Variants in SYCP2 observed in about 807,000 individuals in gnomAD.
SYCP2 encodes the protein synaptonemal complex lateral element protein.
A neutral mutation model predicts 211.3 loss-of-function variants in SYCP2; 55 were observed. That is an observed-to-expected ratio of 0.26 (90% confidence interval 0.21 to 0.33). The LOEUF is 0.33. SYCP2 is among the 10% of genes least tolerant of loss of function. The probability of loss-of-function intolerance (pLI) is 1.00; values close to 1 mark genes in which losing one functional copy is unlikely to be tolerated. For synonymous variants in SYCP2, 570 were observed against 555.2 expected (o/e 1.03, Z -0.37); for missense variants, 1,731 against 1,752.0 (o/e 0.99, Z 0.21).
In SYCP2 at chr20:59,895,468, T is replaced by A; in HGVS notation, c.1634A>T (p.Glu545Val). Residue 545 changes from glutamate (E) to valine (V), a missense_variant, in exon 20 of 45, where the codon GAA becomes GTA. Physicochemically the swap from Glu to Val is moderately radical, Grantham distance 121 (BLOSUM62 -2). Around this residue, in one of 3 missense-constraint regions of SYCP2, gnomAD observed 1,387 missense variants for 1,351.3 expected, o/e 1.03. Transcript: ENST00000357552. The stretch of plus-strand genomic sequence containing the variant: ...TATATTATCTCTTCTATGTCTTCCT[T>A]CTGATGATCTAGATTTCAGTGATGC... The part of the protein sequence containing the change: ...NAASLKSRSS[E>V]GRHRRDNIDK... 1 of 1,611,906 alleles carries A rather than the reference T, an allele frequency of 6.2e-7. No individual in the cohort carries two copies. Among genetic ancestry groups the A allele is most frequent in the Non-Finnish European group, 8.5e-7 (1 of 1,178,818 alleles).
chr20:59,892,665 T>C lies in SYCP2; in HGVS notation c.1830A>G (p.Lys610=), dbSNP rs1259609981. 6 of 1,609,816 alleles carry C rather than the reference T, an allele frequency of 3.7e-6. No homozygotes were observed. Among genetic ancestry groups the C allele is most frequent in the East Asian group, 2.2e-5 (1 of 44,706 alleles). ...TCCAACATGCCCATTTGCTGTGTAT[T>C]TTATTTCCACAGATGTTGTCTAAAA... ...PGVLDNICGN[K]IHSKWACWTP... Residue 610 remains lysine (K), a synonymous_variant, in exon 23 of 45, where the codon AAA becomes AAG. Transcript: ENST00000357552.
At chr20:59,865,906 T>C (rs2059323005) in intron 41 of SYCP2, 41 bp from the exon 42 acceptor site, 2 of 899,274 alleles carry the variant, frequency 2.2e-6, no homozygotes, top group Non-Finnish European at 3.2e-6. Flanking sequence ...CTAAATATTT[T>C]AGTCCTAAAA....
intron 5 of SYCP2, among the ~76,000 whole-genome samples, chr20:59,919,892 A>G (rs1246430348): frequency 6.6e-6 from 1 of 151,704 alleles, no homozygotes; most frequent in African/African-American, 2.4e-5. Flanking sequence ...GAAGTAAATT[A>G]TCATCACAAT....
chr20:59,917,764 G>C (rs569214551), intron 7 of SYCP2, among the ~76,000 whole-genome samples: 1 of 152,300 alleles, frequency 6.6e-6, no homozygotes, highest in East Asian at 1.9e-4. Flanking sequence ...AGTTGGATCT[G>C]ATTGCTTGGC....
chr20:59,872,542 TTTAAA>T (rs1828133800), intron 35 of SYCP2, among the ~76,000 whole-genome samples: 2 of 152,036 alleles, frequency 1.3e-5, no homozygotes, highest in Admixed American at 6.6e-5. Flanking sequence ...TAAGTTAATG[TTTAAA>T]TTAAACAATC....
chr20:59,876,887 C>T (rs1369590421), intron 33 of SYCP2, among the ~76,000 whole-genome samples: 1 of 152,076 alleles, frequency 6.6e-6, no homozygotes, highest in Non-Finnish European at 1.5e-5. Context: ...ACTGACATCT[C>T]ATTACTTCTA....
chr20:59,873,788 T>C (rs1600817747), intron 35 of SYCP2, 68 bp downstream of exon 35: 3 of 1,344,774 alleles, frequency 2.2e-6, no homozygotes, highest in Non-Finnish European at 3.0e-6. Context: ...CTGATTAAGA[T>C]GATAGGGAAA....
chr20:59,901,631 T>A, intron 16 of SYCP2, 31 bp downstream of exon 16: 1 of 1,258,836 alleles, frequency 7.9e-7, no homozygotes, highest in Non-Finnish European at 1.1e-6. Flanking sequence ...ATTATGAAAA[T>A]AGTAAATATT....
intron 44 of SYCP2, among the ~76,000 whole-genome samples, chr20:59,864,605 C>T (rs2059293579): frequency 6.6e-6 from 1 of 151,914 alleles, no homozygotes; most frequent in South Asian, 2.1e-4. Context: ...AGGCTCTAAT[C>T]TTTTAAAGCC....
chr20:59,868,504 T>C lies in SYCP2; in HGVS notation c.3897A>G (p.Glu1299=). The C allele has an allele frequency of 1.2e-6, 2 of 1,611,236 alleles. No individual in the cohort carries two copies. The highest frequency in any genetic ancestry group is 1.7e-6 in the Non-Finnish European group (2 of 1,178,300). ...YIEDNLSNSN[E]VEMEEKGERR... ...TTTCTCCTTTCTCTTCCATTTCTAC[T>C]TCATTGGAATTACTTAGATTATCTT... Residue 1299 remains glutamate (E), a synonymous_variant, in exon 38 of 45, where the codon GAA becomes GAG. Coordinates refer to ENST00000357552, the MANE Select transcript of SYCP2 (RefSeq NM_014258.4).
rs1448333472 is a variant in SYCP2 at position 59,866,245 on chromosome 20, TA to T, written c.4320+47del. 5 of 1,302,616 alleles carry T rather than the reference TA, an allele frequency of 3.8e-6. No homozygotes were observed. The South Asian group carries it at 5.6e-5, about 15-fold the overall frequency. The allele number at this position is 1,302,616 out of a possible 1,614,324, so 80.7% of individuals were successfully genotyped here. ...GAAAGTTTTTCCAAGTATAGCTCTTTAAAAATAAGGTTTTAAACTTATTTAA... is the reference window on the plus strand; with the variant it reads ...GAAAGTTTTTCCAAGTATAGCTCTTTAAAATAAGGTTTTAAACTTATTTAA... On this transcript the variant is annotated intron_variant, in intron 41 of 44. Transcript: ENST00000357552.
At chr20:59,882,447 G>C (rs2059704102) in intron 26 of SYCP2, among the ~76,000 whole-genome samples, 1 of 152,058 alleles carries the variant, frequency 6.6e-6, no homozygotes, top group Non-Finnish European at 1.5e-5. Flanking sequence ...AAGTTACTGA[G>C]TATATATCCA....
intron 18 of SYCP2, 137 bp from the exon 19 acceptor site, chr20:59,896,665 A>G (rs1388318916): frequency 1.8e-6 from 1 of 553,688 alleles, no homozygotes; most frequent in Non-Finnish European, 3.2e-6. Context: ...AATATTCATA[A>G]ATTTCCATGT....
chr20:59,890,991 A>G (rs2059896045), intron 24 of SYCP2, among the ~76,000 whole-genome samples: 1 of 151,988 alleles, frequency 6.6e-6, no homozygotes, highest in Non-Finnish European at 1.5e-5. Flanking sequence ...AAACAGCCAA[A>G]TTAGGCACAA....
At chr20:59,917,600 C>T (rs867203694) in intron 7 of SYCP2, among the ~76,000 whole-genome samples, 9 of 152,088 alleles carry the variant, frequency 5.9e-5, no homozygotes, top group African/African-American at 1.9e-4. Context: ...AAACAATCAA[C>T]GAAGAGGTAG....
Position 59,867,786 on chromosome 20 carries a change from T to G in SYCP2, c.4050A>C (p.Gln1350His), listed in dbSNP as rs1366907837. The G allele has an allele frequency of 1.2e-6, 2 of 1,610,242 alleles. No individual in the cohort carries two copies. The highest frequency in any genetic ancestry group is 4.5e-5 in the East Asian group (2 of 44,690). ...NDFSIPWETW[Q>H]NEFAGIEMTY... Reference sequence around the variant, plus strand: ...TCATCTCTATCCCTGCAAATTCATTTTGCCAGGTCTCCCAAGGAATAGAAA... The same window carrying G: ...TCATCTCTATCCCTGCAAATTCATTGTGCCAGGTCTCCCAAGGAATAGAAA... Residue 1350 changes from glutamine (Q) to histidine (H), a missense_variant, in exon 39 of 45, where the codon CAA becomes CAC. Around this residue, in one of 3 missense-constraint regions of SYCP2, gnomAD observed 1,387 missense variants for 1,351.3 expected, o/e 1.03. Transcript: ENST00000357552.
chr20:59,887,797 GAAGAAA>G lies in SYCP2; in HGVS notation c.2365-969_2365-964del, dbSNP rs558285882. On this transcript the variant is annotated intron_variant, in intron 24 of 44. Coordinates refer to ENST00000357552, the MANE Select transcript of SYCP2 (RefSeq NM_014258.4). ...ATAAACCTTTAGTCAGGTTAACTAA[GAAGAAA>G]GAGAAAAAAAAAACAGAAATTACTA... 3.1e-3 allele frequency among the ~76,000 whole-genome samples: 467 copies of G among 150,066 alleles called. 2 individuals are homozygous for G. The highest frequency in any genetic ancestry group is 0.011 in the African/African-American group (450 of 40,892).
intron 18 of SYCP2, 44 bp downstream of exon 18, chr20:59,900,094 A>T (rs769195559): frequency 7.5e-6 from 12 of 1,589,766 alleles, no homozygotes; most frequent in Non-Finnish European, 7.8e-6. Context: ...CAGTGATTTG[A>T]TCAATGGTAG....
At chr20:59,900,322 C>T in intron 17 of SYCP2, 38 bp from the exon 18 acceptor site, 1 of 1,518,444 alleles carries the variant, frequency 6.6e-7, no homozygotes, top group Non-Finnish European at 8.8e-7. Flanking sequence ...TTTAAAACTG[C>T]AAACCACAGA....
Sources: gnomAD v4.1 joint callset for allele counts (sites outside exome capture counted in the v4.1 genomes callset) on GRCh38, gnomAD v4.1.1 for gene constraint, gnomAD v4.1.1 regional missense constraint, MANE v1.5 for transcripts, NCBI Gene and HGNC (gene_info 2026-07-23, HGNC 2026-07-21) for gene names.